Variants in GNB4 observed in about 807,000 individuals in gnomAD.
GNB4 encodes guanine nucleotide-binding protein subunit beta-4.
Under a neutral mutation model 45.2 loss-of-function variants are expected in GNB4, and 28 were observed. The observed-to-expected ratio is 0.62, with a 90% confidence interval of 0.46 to 0.85. The LOEUF (loss-of-function observed/expected upper bound fraction) is 0.85, where lower values mean the gene tolerates loss of function less well. GNB4 is among the 40% of genes least tolerant of loss of function. GNB4 has a pLI of 0.00. For missense variants in GNB4, 321 were observed against 425.4 expected, an observed-to-expected ratio of 0.75 and a Z score of 2.16; for synonymous variants, 132 against 143.7, an observed-to-expected ratio of 0.92 and a Z score of 0.58.
At chr3:179,511,023 A>G in the GNB4 span, among the ~76,000 whole-genome samples, 1 of 152,026 alleles carries the variant, frequency 6.6e-6, no homozygotes, top group Non-Finnish European at 1.5e-5. Flanking sequence ...TGCGTGATAA[A>G]CCCACTGCCA....
chr3:179,434,442 C>G (rs539022682), intron 1 of GNB4, among the ~76,000 whole-genome samples: 1 of 152,158 alleles, frequency 6.6e-6, no homozygotes, highest in South Asian at 2.1e-4. Flanking sequence ...CACAATGGGC[C>G]AGGCGCAGTG....
chr3:179,463,252 T>G, the GNB4 span, among the ~76,000 whole-genome samples: 1 of 152,162 alleles, frequency 6.6e-6, no homozygotes, highest in African/African-American at 2.4e-5. Flanking sequence ...ACTACGTCTT[T>G]TAGAAATAAG....
intron 8 of GNB4, among the ~76,000 whole-genome samples, chr3:179,406,620 T>C (rs1714478168): frequency 6.6e-6 from 1 of 151,820 alleles, no homozygotes; most frequent in African/African-American, 2.4e-5. Context: ...TTACTTTTTT[T>C]TGTTATTTTT....
At chr3:179,445,638 A>T (rs758127451) in intron 1 of GNB4, among the ~76,000 whole-genome samples, 2 of 152,218 alleles carry the variant, frequency 1.3e-5, no homozygotes, top group East Asian at 3.8e-4. Context: ...TCATTAACCA[A>T]TTGTATATAT....
In GNB4 at chr3:179,451,433, G is replaced by C. The variant is rs1715871699; in HGVS notation, c.-130C>G. On this transcript the variant is annotated 5_prime_UTR_variant, in exon 1 of 10. Coordinates refer to ENST00000232564, the MANE Select transcript of GNB4 (RefSeq NM_021629.4). ...CCCTGGAGCGCGGAGCCGGCGTGGA[G>C]AGCGCAGCTCACAGCCGAGACCAGA... The C allele has an allele frequency of 6.6e-6, 1 of 151,192 alleles. No individual in the cohort carries two copies. Among genetic ancestry groups the C allele is most frequent in the African/African-American group, 2.4e-5 (1 of 41,332 alleles). 9.4% of individuals were successfully genotyped at this position (151,192 alleles called of 1,614,324 possible).
chr3:179,436,719 G>C (rs1715460967), intron 1 of GNB4, among the ~76,000 whole-genome samples: 1 of 152,114 alleles, frequency 6.6e-6, no homozygotes, highest in South Asian at 2.1e-4. Context: ...GCTGCATGGG[G>C]CAAGTGGATA....
chr3:179,455,350 A>T (rs1050849220), upstream of GNB4, among the ~76,000 whole-genome samples: 2 of 152,188 alleles, frequency 1.3e-5, no homozygotes, highest in African/African-American at 2.4e-5. Flanking sequence ...GTGAAAAAAC[A>T]CTAAACTGCA....
At chr3:179,456,141 T>C (rs925517654), upstream of GNB4, among the ~76,000 whole-genome samples, 13 of 143,984 alleles carry the variant, frequency 9.0e-5, no homozygotes, top group African/African-American at 2.9e-4. Flanking sequence ...AGACAAGATC[T>C]CGCTCCGTCA....
the GNB4 span, among the ~76,000 whole-genome samples, chr3:179,474,628 C>G: frequency 6.6e-6 from 1 of 151,166 alleles, no homozygotes; most frequent in South Asian, 2.1e-4. Flanking sequence ...ACTGAAGTAG[C>G]AAGAGTCTAC....
At chr3:179,513,817 T>A in the GNB4 span, among the ~76,000 whole-genome samples, 1 of 152,126 alleles carries the variant, frequency 6.6e-6, no homozygotes, top group Non-Finnish European at 1.5e-5. Flanking sequence ...TATGGATACA[T>A]ATCATAAAAT....
upstream of GNB4, among the ~76,000 whole-genome samples, chr3:179,452,668 A>G (rs1211753146): frequency 2.6e-5 from 4 of 152,204 alleles, no homozygotes; most frequent in Admixed American, 2.0e-4. Context: ...CCAGGCCGTG[A>G]CAAAAATAGA....
At chr3:179,423,014 A>G (rs1441547021) in intron 2 of GNB4, among the ~76,000 whole-genome samples, 1 of 151,878 alleles carries the variant, frequency 6.6e-6, no homozygotes, top group Non-Finnish European at 1.5e-5. Context: ...GATGGTTTCG[A>G]TCTCCTGACC....
At chr3:179,424,201 C>T (rs922902679) in intron 2 of GNB4, among the ~76,000 whole-genome samples, 1 of 152,216 alleles carries the variant, frequency 6.6e-6, no homozygotes, top group African/African-American at 2.4e-5. Context: ...GTAACACCAT[C>T]GACTTCACAG....
intron 2 of GNB4, among the ~76,000 whole-genome samples, chr3:179,424,404 C>A (rs1459834774): frequency 6.6e-6 from 1 of 152,174 alleles, no homozygotes; most frequent in African/African-American, 2.4e-5. Flanking sequence ...ATACATCTCT[C>A]CTTTGTTCTG....
At chr3:179,451,052 C>G (rs990097654) in intron 1 of GNB4, 17 of 152,306 alleles carry the variant, frequency 1.1e-4, no homozygotes, top group Admixed American at 5.9e-4. Context: ...GGACTTGGAC[C>G]GCCGACCGTT....
chr3:179,443,301 G>A (rs1159008137), intron 1 of GNB4, among the ~76,000 whole-genome samples: 1 of 152,216 alleles, frequency 6.6e-6, no homozygotes, highest in African/African-American at 2.4e-5. Context: ...CACTTTGAGA[G>A]GCTGAGGCAG....
At chr3:179,465,480 G>A in the GNB4 span, among the ~76,000 whole-genome samples, 1 of 152,018 alleles carries the variant, frequency 6.6e-6, no homozygotes, top group Non-Finnish European at 1.5e-5. Context: ...GTGGTGGCAG[G>A]TGCCTGTAGT....
At chr3:179,488,194 G>A in the GNB4 span, among the ~76,000 whole-genome samples, 1 of 152,164 alleles carries the variant, frequency 6.6e-6, no homozygotes, top group Non-Finnish European at 1.5e-5. Context: ...ACCGACCATG[G>A]ACTGGTTCTG....
chr3:179,472,326 T>A, the GNB4 span, among the ~76,000 whole-genome samples: 109,519 of 149,188 alleles, frequency 0.73, 40,687 homozygotes, highest in East Asian at 0.98. Flanking sequence ...AACACATATT[T>A]TTTCTTTTTC....
Sources: gnomAD v4.1 joint callset for allele counts (sites outside exome capture counted in the v4.1 genomes callset) on GRCh38, gnomAD v4.1.1 for gene constraint, MANE v1.5 for transcripts, NCBI Gene and HGNC (gene_info 2026-07-23, HGNC 2026-07-21) for gene names.